MCU: variants seen among roughly 807,000 people sequenced by gnomAD.
MCU encodes mitochondrial calcium uniporter, also known as calcium uniporter protein, mitochondrial.
MCU carries 12 observed loss-of-function variants against 45.2 expected under a neutral mutation model. The ratio of observed to expected loss-of-function variants is 0.27; its 90% confidence interval spans 0.17 to 0.43. The LOEUF is 0.43. MCU is among the 20% of genes least tolerant of loss of function. The pLI is 1.00. For synonymous variants in MCU, 160 were observed against 165.1 expected (o/e 0.97, Z 0.24); for missense variants, 324 against 436.7 (o/e 0.74, Z 2.30).
intron 2 of MCU, among the ~76,000 whole-genome samples, chr10:72,846,529 A>G (rs1313078048): frequency 3.3e-5 from 5 of 152,200 alleles, no homozygotes; most frequent in African/African-American, 1.2e-4. Flanking sequence ...GTACTGCAGC[A>G]GTTGTGGTCA....
chr10:72,702,172 AC>A (rs1322404775), intron 1 of MCU, among the ~76,000 whole-genome samples: 1 of 151,224 alleles, frequency 6.6e-6, no homozygotes, highest in African/African-American at 2.4e-5. Context: ...AATTGCTGGA[AC>A]CCAGGAGGCA....
intron 1 of MCU, among the ~76,000 whole-genome samples, chr10:72,730,018 G>T (rs887873981): frequency 1.8e-4 from 25 of 141,492 alleles, no homozygotes; most frequent in African/African-American, 6.1e-4. Flanking sequence ...GAGTGCAGTG[G>T]CATGATCTTG....
At chr10:72,805,163 C>CTTTCTTTCTTTT (rs1187966928) in intron 1 of MCU, among the ~76,000 whole-genome samples, 3 of 134,666 alleles carry the variant, frequency 2.2e-5, no homozygotes, top group Non-Finnish European at 4.6e-5. Flanking sequence ...TTCTTTCTGT[C>CTTTCTTTCTTTT]TCTCTCTCTC....
intron 1 of MCU, among the ~76,000 whole-genome samples, chr10:72,811,753 A>T (rs1477318348): frequency 2.6e-5 from 4 of 152,242 alleles, no homozygotes; most frequent in Non-Finnish European, 1.5e-5. Flanking sequence ...TGCAAAATAA[A>T]TTTCATGTTA....
At chr10:72,840,243 A>G (rs998408509) in intron 2 of MCU, among the ~76,000 whole-genome samples, 3 of 152,298 alleles carry the variant, frequency 2.0e-5, no homozygotes, top group East Asian at 3.9e-4. Context: ...GATGTGTAAT[A>G]TTACTTCATT....
Position 72,774,580 on chromosome 10 carries a change from C to T in MCU, c.151-59779C>T, listed in dbSNP as rs528788831. ...AACACTGAAGGTAGTATTGTCAGTT[C>T]TCCAATTAAAAGGCATAGAGTGGCT... is the stretch of plus-strand genomic sequence containing the variant. On this transcript the variant is annotated intron_variant, in intron 1 of 7. Coordinates refer to ENST00000373053, the MANE Select transcript of MCU (RefSeq NM_138357.3). Among the ~76,000 whole-genome samples, 7 of 152,170 alleles carry T rather than the reference C, an allele frequency of 4.6e-5. No homozygotes were observed. The East Asian group carries it at 1.4e-3, about 29-fold the overall frequency.
intron 1 of MCU, chr10:72,736,653 A>G (rs1454967324): frequency 6.6e-6 from 1 of 152,170 alleles, no homozygotes; most frequent in East Asian, 1.9e-4. Flanking sequence ...TCCTGCCATT[A>G]TTATCTTAGT....
rs764394354 is a variant in MCU at position 72,860,546 on chromosome 10, T to C, written c.496+19T>C. ...AAAAGAGGTAAAATAGTAACCTTGG[T>C]AAGGTCACAGAAATGTGGGAAGGGC... On this transcript the variant is annotated intron_variant, in intron 4 of 7. Coordinates refer to ENST00000373053, the MANE Select transcript of MCU (RefSeq NM_138357.3). 6.3e-7 allele frequency: 1 copy of C among 1,586,242 alleles called. No homozygotes were observed. Among genetic ancestry groups the C allele is most frequent in the South Asian group, 1.1e-5 (1 of 90,214 alleles).
At chr10:72,725,761 G>A (rs1843090247) in intron 1 of MCU, among the ~76,000 whole-genome samples, 2 of 152,050 alleles carry the variant, frequency 1.3e-5, no homozygotes, top group African/African-American at 4.8e-5. Context: ...GTGGGCACCT[G>A]TAATCTCAGC....
chr10:72,733,750 C>T (rs1389445962), intron 1 of MCU, among the ~76,000 whole-genome samples: 2 of 149,018 alleles, frequency 1.3e-5, no homozygotes, highest in African/African-American at 4.9e-5. Flanking sequence ...TAACTTGCAG[C>T]ATCTACTCAG....
At chr10:72,743,412 CAAAAAA>C (rs374429962) in intron 1 of MCU, among the ~76,000 whole-genome samples, 1 of 74,426 alleles carries the variant, frequency 1.3e-5, no homozygotes, top group Non-Finnish European at 2.4e-5. Flanking sequence ...TACTCCATCT[CAAAAAA>C]AAAAAAAAAA....
intron 1 of MCU, among the ~76,000 whole-genome samples, chr10:72,706,293 T>G (rs1842819031): frequency 6.6e-6 from 1 of 152,004 alleles, no homozygotes; most frequent in African/African-American, 2.4e-5. Flanking sequence ...AGCCTTCCCC[T>G]GTACATTAGA....
At chr10:72,756,504 CTGCATA>C (rs1843578864) in intron 1 of MCU, 1 of 152,172 alleles carries the variant, frequency 6.6e-6, no homozygotes, top group South Asian at 2.1e-4. Flanking sequence ...TCAGGAGAAA[CTGCATA>C]ATTCACTGGG....
chr10:72,717,459 A>G (rs1357080673), intron 1 of MCU, among the ~76,000 whole-genome samples: 1 of 151,762 alleles, frequency 6.6e-6, no homozygotes, highest in Non-Finnish European at 1.5e-5. Flanking sequence ...GGCTTTCACC[A>G]TGTTGGCCAG....
intron 1 of MCU, among the ~76,000 whole-genome samples, chr10:72,734,002 T>G (rs1022777525): frequency 6.6e-6 from 1 of 152,102 alleles, no homozygotes; most frequent in Admixed American, 6.5e-5. Flanking sequence ...AAAGAAAAAC[T>G]CCTCAGAGTA....
intron 6 of MCU, among the ~76,000 whole-genome samples, chr10:72,879,629 G>A (rs1257045562): frequency 3.3e-5 from 5 of 152,242 alleles, no homozygotes; most frequent in South Asian, 2.1e-4. Context: ...GTGAAAAGTC[G>A]GAAAAGCAGA....
At chr10:72,737,119 T>C (rs937843556) in intron 1 of MCU, among the ~76,000 whole-genome samples, 1 of 152,234 alleles carries the variant, frequency 6.6e-6, no homozygotes, top group Non-Finnish European at 1.5e-5. Flanking sequence ...TTCTCTAAAC[T>C]TCAGTTTGAT....
Position 72,780,553 on chromosome 10 carries a change from G to GTGTGTGTGTGT in MCU, c.151-53806_151-53805insTGTGTGTGTGT, listed in dbSNP as rs1276944923. On this transcript the variant is annotated intron_variant, in intron 1 of 7. Coordinates refer to ENST00000373053, the MANE Select transcript of MCU (RefSeq NM_138357.3). ...GTGTGTGTGTGTGTGTGTGTGTGTT[G>GTGTGTGTGTGT]GGTGAATTTGGAAGAGAGGAAGAGA... Among the ~76,000 whole-genome samples, 5 of 8,664 alleles carry GTGTGTGTGTGT rather than the reference G, an allele frequency of 5.8e-4. No homozygotes were observed. The South Asian group carries it at 0.016, about 28-fold the overall frequency. The allele number at this position is 8,664 out of a possible 152,430, so 5.7% of individuals were successfully genotyped here.
intron 1 of MCU, among the ~76,000 whole-genome samples, chr10:72,767,514 G>A (rs1249042589): frequency 6.6e-6 from 1 of 151,916 alleles, no homozygotes; most frequent in African/African-American, 2.4e-5. Context: ...ATTTAACTGT[G>A]TTTTAATTTT....
Sources: allele counts gnomAD v4.1 joint callset (sites outside exome capture counted in the v4.1 genomes callset), GRCh38; gene constraint gnomAD v4.1.1; transcripts MANE v1.5; gene names NCBI Gene and HGNC (gene_info 2026-07-23, HGNC 2026-07-21).